The following CCDC127 variants were observed in gnomAD, a reference collection of about 807,000 sequenced individuals.
CCDC127 encodes the protein coiled-coil domain containing 127.
In CCDC127, 2 loss-of-function variants were observed where a neutral mutation model predicts 4.1. That is an observed-to-expected ratio of 0.49 (90% confidence interval 0.20 to 1.53). CCDC127 has a LOEUF of 1.53. Among genes scored for constraint, CCDC127 ranks in the 40% most tolerant of loss-of-function variants. The probability of loss-of-function intolerance (pLI) is 0.23; values close to 1 mark genes in which losing one functional copy is unlikely to be tolerated. For missense variants in CCDC127, 271 were observed against 322.9 expected (o/e 0.84, Z 1.23); for synonymous variants, 98 against 120.4 (o/e 0.81, Z 1.22).
rs1560974652 is a variant in CCDC127, at chr5:205,554, G to C, written c.526C>G (p.Leu176Val). The change falls in exon 3 of 3, where the codon CTG becomes GTG. Residue 176 changes from leucine (L) to valine (V), a missense_variant. By Grantham distance (32) the Leu-to-Val change is conservative. Coordinates refer to ENST00000296824, the MANE Select transcript of CCDC127 (RefSeq NM_145265.3). ...LTERQNIYCS[L>V]FLPRSKRLEI... ...AGCCGCTTGCTGCGAGGAAGAAACAGACTGCAGTAGATATTCTGTCTTTCT... is the reference window on the plus strand; with the variant it reads ...AGCCGCTTGCTGCGAGGAAGAAACACACTGCAGTAGATATTCTGTCTTTCT... 6.2e-7 allele frequency: 1 copy of C among 1,614,190 alleles called. No individual in the cohort carries two copies. The highest frequency in any genetic ancestry group is 8.5e-7 in the Non-Finnish European group (1 of 1,180,012).
At chr5:211,127 T>C (rs71583060) in intron 2 of CCDC127, among the ~76,000 whole-genome samples, 6 of 62,022 alleles carry the variant, frequency 9.7e-5, no homozygotes, top group African/African-American at 3.1e-4. Flanking sequence ...CGACATCGAA[T>C]ACTGCAGCCA....
At chr5:209,807 G>A (rs553952090) in intron 2 of CCDC127, among the ~76,000 whole-genome samples, 1 of 152,210 alleles carries the variant, frequency 6.6e-6, no homozygotes, top group African/African-American at 2.4e-5. Flanking sequence ...CAAAAGACGG[G>A]TTCAATATTC....
chr5:207,175 A>G (rs1734192810), intron 2 of CCDC127, among the ~76,000 whole-genome samples: 2 of 152,212 alleles, frequency 1.3e-5, no homozygotes, highest in Non-Finnish European at 1.5e-5. Flanking sequence ...GAGCAATTCC[A>G]TAACAGCAAG....
rs1734046996 is a variant in CCDC127 at position 200,127 on chromosome 5, GCAGAGCCACATT to G, written c.*5158_*5169del. 6.6e-6 allele frequency: 1 copy of G among 152,216 alleles called. No individual in the cohort carries two copies. The highest frequency in any genetic ancestry group is 1.5e-5 in the Non-Finnish European group (1 of 68,052). The allele number at this position is 152,216 out of a possible 1,614,324, so 9.4% of individuals were successfully genotyped here. ...TCAAGGTACACTTGTCCTGTGAGCCGCAGAGCCACATTCAGGCTCATCTGGTCCCGCTACCCG... is the reference window on the plus strand; with the variant it reads ...TCAAGGTACACTTGTCCTGTGAGCCGCAGGCTCATCTGGTCCCGCTACCCG... On this transcript the variant is annotated 3_prime_UTR_variant, in exon 3 of 3. Coordinates refer to ENST00000296824, the MANE Select transcript of CCDC127 (RefSeq NM_145265.3).
chr5:208,997 T>C (rs1734233593), intron 2 of CCDC127, among the ~76,000 whole-genome samples: 3 of 151,836 alleles, frequency 2.0e-5, no homozygotes, highest in Admixed American at 2.0e-4. Context: ...CCTAAGAAAA[T>C]AAACACAAGA....
rs376029779 is a variant in CCDC127 at position 198,693 on chromosome 5, C to G, written c.*6604G>C. 6.6e-6 allele frequency: 1 copy of G among 152,326 alleles called. No individual in the cohort carries two copies. The highest frequency in any genetic ancestry group is 1.9e-4 in the East Asian group (1 of 5,194). 9.4% of individuals were successfully genotyped at this position (152,326 alleles called of 1,614,324 possible). A position where few individuals can be genotyped will look rare whatever the true frequency, so the allele number is the denominator to read the frequency against. On this transcript the variant is annotated 3_prime_UTR_variant, in exon 3 of 3. Coordinates refer to ENST00000296824, the MANE Select transcript of CCDC127 (RefSeq NM_145265.3). ...TCGCACTTGCTCCTACTGAACTGAT[C>G]GGCCCCATCCTGCATGGCCGTTCAC...
intron 2 of CCDC127, among the ~76,000 whole-genome samples, chr5:207,391 G>A (rs545344297): frequency 4.6e-5 from 7 of 152,210 alleles, no homozygotes; most frequent in Non-Finnish European, 7.3e-5. Context: ...CTGTTACAAC[G>A]TCACTTGATA....
Position 205,001 on chromosome 5 carries a change from T to C in CCDC127, c.*296A>G, listed in dbSNP as rs564904685. ...TGTATTTGACTTTTTAAAAAACCAT[T>C]TTTACCCTGGAGCTAAAATACGAGG... On this transcript the variant is annotated 3_prime_UTR_variant, in exon 3 of 3. Coordinates refer to ENST00000296824, the MANE Select transcript of CCDC127 (RefSeq NM_145265.3). The C allele has an allele frequency of 7.5e-6, 2 of 265,878 alleles. No individual in the cohort carries two copies. The highest frequency in any genetic ancestry group is 3.0e-4 in the South Asian group (2 of 6,668). 16.5% of individuals were successfully genotyped at this position (265,878 alleles called of 1,614,324 possible). A position where few individuals can be genotyped will look rare whatever the true frequency, so the allele number is the denominator to read the frequency against.
In CCDC127 at chr5:201,183, G is replaced by A. The variant is rs762594277; in HGVS notation, c.*4114C>T. The A allele has an allele frequency of 2.6e-5, 4 of 152,258 alleles. No homozygotes were observed. The highest frequency in any genetic ancestry group is 7.2e-5 in the African/African-American group (3 of 41,448). The allele number at this position is 152,258 out of a possible 1,614,324, so 9.4% of individuals were successfully genotyped here. A position where few individuals can be genotyped will look rare whatever the true frequency, so the allele number is the denominator to read the frequency against. On this transcript the variant is annotated 3_prime_UTR_variant, in exon 3 of 3. Transcript: ENST00000296824. The stretch of plus-strand genomic sequence containing the variant: ...TCCTCATGCTGGAACAAGACACCTC[G>A]AGGAGGAAGCAGCTGCCACTCATGG...
chr5:217,792 G>C (rs962051785), intron 1 of CCDC127, among the ~76,000 whole-genome samples: 1 of 152,168 alleles, frequency 6.6e-6, no homozygotes, highest in Non-Finnish European at 1.5e-5. Context: ...CTGATTTACT[G>C]AGTACCTACA....
At chr5:207,757 C>T (rs1275211962) in intron 2 of CCDC127, among the ~76,000 whole-genome samples, 1 of 151,892 alleles carries the variant, frequency 6.6e-6, no homozygotes, top group Non-Finnish European at 1.5e-5. Context: ...ATTAACGTGA[C>T]TTAAGAGCAT....
Position 205,227 on chromosome 5 carries a change from G to T in CCDC127, c.*70C>A. The T allele has an allele frequency of 1.4e-6, 2 of 1,418,208 alleles. No homozygotes were observed. Among genetic ancestry groups the T allele is most frequent in the Non-Finnish European group, 1.9e-6 (2 of 1,036,654 alleles). The allele number at this position is 1,418,208 out of a possible 1,614,324, so 87.9% of individuals were successfully genotyped here. ...CACGGGCAGCACGGGAACGGAAGACGCCGGAGACCCAGAAGGCGCATGACT... is the reference window on the plus strand; with the variant it reads ...CACGGGCAGCACGGGAACGGAAGACTCCGGAGACCCAGAAGGCGCATGACT... On this transcript the variant is annotated 3_prime_UTR_variant, in exon 3 of 3. Coordinates refer to ENST00000296824, the MANE Select transcript of CCDC127 (RefSeq NM_145265.3).
chr5:214,959 C>G (rs1417455103), intron 2 of CCDC127: 2 of 151,462 alleles, frequency 1.3e-5, no homozygotes, highest in African/African-American at 4.9e-5. Context: ...ACCAGGGAGT[C>G]AGAGGTTGCA....
intron 2 of CCDC127, chr5:216,107 G>A (rs1367104470): frequency 6.7e-6 from 1 of 149,826 alleles, no homozygotes; most frequent in Non-Finnish European, 1.5e-5. Context: ...TGGAGGGCAA[G>A]TGGTGCCATC....
rs1330058448 is a variant in CCDC127 at position 202,518 on chromosome 5, G to GAGCTTGCA, written c.*2771_*2778dup. On this transcript the variant is annotated 3_prime_UTR_variant, in exon 3 of 3. Transcript: ENST00000296824. ...GCAAACTACTCGAACCCGGGAGGCA[G>GAGCTTGCA]AGCTTGCAGTGAGGCGAGATTGTGC... 1 of 152,278 alleles carries GAGCTTGCA rather than the reference G, an allele frequency of 6.6e-6. No homozygotes were observed. Among genetic ancestry groups the GAGCTTGCA allele is most frequent in the Non-Finnish European group, 1.5e-5 (1 of 68,090 alleles). The allele number at this position is 152,278 out of a possible 1,614,324, so 9.4% of individuals were successfully genotyped here.
chr5:208,363 C>T (rs966453427), intron 2 of CCDC127, among the ~76,000 whole-genome samples: 2 of 152,320 alleles, frequency 1.3e-5, no homozygotes, highest in East Asian at 1.9e-4. Flanking sequence ...GAAATCTCAA[C>T]GGGTGCAGAC....
At position 218,107 on chromosome 5, in the gene CCDC127, G is replaced by A. The variant is rs1450446644; in HGVS notation, c.-25C>T. The A allele has an allele frequency of 6.6e-6, 8 of 1,211,224 alleles. No homozygotes were observed. Among genetic ancestry groups the A allele is most frequent in the African/African-American group, 1.6e-5 (1 of 63,268 alleles). The allele number at this position is 1,211,224 out of a possible 1,614,324, so 75.0% of individuals were successfully genotyped here. On this transcript the variant is annotated 5_prime_UTR_variant, in exon 1 of 3. Transcript: ENST00000296824. The stretch of plus-strand genomic sequence containing the variant: ...GCCCGCTCTACCTCGGTCGGGGAGC[G>A]CGGGACCTCAGCGTTCCCTTAACGC...
chr5:214,209 C>T (rs962665418), intron 2 of CCDC127: 18 of 152,274 alleles, frequency 1.2e-4, no homozygotes, highest in Admixed American at 9.1e-4. Flanking sequence ...CAGGGCAGCA[C>T]GTGAGGCCCC....
chr5:218,092 C>T lies in CCDC127; in HGVS notation c.-11+1G>A, dbSNP rs1734468648. 1.7e-6 allele frequency: 2 copies of T among 1,196,014 alleles called. No individual in the cohort carries two copies. Among genetic ancestry groups the T allele is most frequent in the East Asian group, 3.6e-5 (1 of 28,044 alleles). The allele number at this position is 1,196,014 out of a possible 1,614,324, so 74.1% of individuals were successfully genotyped here. A position where few individuals can be genotyped will look rare whatever the true frequency, so the allele number is the denominator to read the frequency against. On this transcript the variant is annotated splice_donor_variant, in intron 1 of 2. Transcript: ENST00000296824. LOFTEE classifies it low-confidence loss of function (5UTR_SPLICE). ...CCTCCCCGGAACAGGGCCCGCTCTA[C>T]CTCGGTCGGGGAGCGCGGGACCTCA...
Sources: allele counts gnomAD v4.1 joint callset (sites outside exome capture counted in the v4.1 genomes callset), GRCh38; gene constraint gnomAD v4.1.1; transcripts MANE v1.5; gene names NCBI Gene and HGNC (gene_info 2026-07-23, HGNC 2026-07-21).